Variants in B3GALT1 observed in about 807,000 individuals in gnomAD.
B3GALT1 encodes the protein UDP-Gal:betaGlcNAc beta 1,3-galactosyltransferase, polypeptide 1.
Under a neutral mutation model 23.2 loss-of-function variants are expected in B3GALT1, and 10 were observed. The observed-to-expected ratio is 0.43, with a 90% CI of 0.27 to 0.73. B3GALT1 has a LOEUF of 0.73. Ranked by LOEUF, B3GALT1 falls within the 30% of genes least tolerant of loss-of-function variation. B3GALT1 has a pLI of 0.21. For missense variants in B3GALT1, 299 were observed against 405.4 expected (o/e 0.74, Z 2.25); for synonymous variants, 156 against 141.5 (o/e 1.10, Z -0.73).
At chr2:167,734,633 C>A (rs1687463846) in intron 3 of B3GALT1, among the ~76,000 whole-genome samples, 1 of 152,010 alleles carries the variant, frequency 6.6e-6, no homozygotes, top group South Asian at 2.1e-4. Context: ...TTTTAAAGTT[C>A]TCAAATATGG....
chr2:167,358,397 G>A (rs2617398), intron 1 of B3GALT1, among the ~76,000 whole-genome samples: 128,711 of 152,196 alleles, frequency 0.85, 55,138 homozygotes, highest in East Asian at 0.95. Flanking sequence ...TAATGGTAAA[G>A]CATCAGGCAC....
chr2:167,347,315 G>C (rs1263391825), intron 1 of B3GALT1, among the ~76,000 whole-genome samples: 1 of 152,182 alleles, frequency 6.6e-6, no homozygotes, highest in Non-Finnish European at 1.5e-5. Context: ...CACTAGCTTA[G>C]AGCAAGTTGA....
chr2:167,683,159 T>A (rs1463152), intron 3 of B3GALT1, among the ~76,000 whole-genome samples: 1 of 152,036 alleles, frequency 6.6e-6, no homozygotes, highest in Non-Finnish European at 1.5e-5. Flanking sequence ...CTTTAAGCAG[T>A]TGGAGCAAGA....
chr2:167,781,384 T>A (rs1688242450), intron 3 of B3GALT1, among the ~76,000 whole-genome samples: 1 of 152,180 alleles, frequency 6.6e-6, no homozygotes, highest in South Asian at 2.1e-4. Context: ...TAATTGGTTT[T>A]TTCACAGGAA....
At chr2:167,839,992 C>A (rs1431577291) in intron 4 of B3GALT1, among the ~76,000 whole-genome samples, 1 of 152,086 alleles carries the variant, frequency 6.6e-6, no homozygotes, top group Non-Finnish European at 1.5e-5. Context: ...AAAGCTGAAA[C>A]TGGATCCCTT....
intron 3 of B3GALT1, among the ~76,000 whole-genome samples, chr2:167,650,125 A>G (rs549828676): frequency 6.6e-6 from 1 of 151,860 alleles, no homozygotes; most frequent in African/African-American, 2.4e-5. Flanking sequence ...CTGTCATGAA[A>G]TAGTATTAGA....
chr2:167,650,314 ATG>A (rs200781816), intron 3 of B3GALT1, among the ~76,000 whole-genome samples: 2,321 of 148,772 alleles, frequency 0.016, 27 homozygotes, highest in African/African-American at 0.019. Context: ...ATATATATAT[ATG>A]TGTGTGTGTA....
At chr2:167,379,056 T>G (rs547255334) in intron 1 of B3GALT1, among the ~76,000 whole-genome samples, 59 of 152,294 alleles carry the variant, frequency 3.9e-4, no homozygotes, top group Non-Finnish European at 7.6e-4. Context: ...GAATAATTTA[T>G]GAAGGAGAAA....
At chr2:167,336,205 A>G (rs1355234625) in intron 1 of B3GALT1, among the ~76,000 whole-genome samples, 1 of 152,040 alleles carries the variant, frequency 6.6e-6, no homozygotes, top group African/African-American at 2.4e-5. Flanking sequence ...CTACATATCA[A>G]CCTGAATCCT....
At chr2:167,639,896 C>A (rs530557324) in intron 2 of B3GALT1, among the ~76,000 whole-genome samples, 1 of 152,190 alleles carries the variant, frequency 6.6e-6, no homozygotes, top group Non-Finnish European at 1.5e-5. Flanking sequence ...ATCCCAAAGA[C>A]CCTACCAGGA....
chr2:167,441,121 G>A (rs1698886543), intron 1 of B3GALT1, among the ~76,000 whole-genome samples: 1 of 152,118 alleles, frequency 6.6e-6, no homozygotes, highest in Non-Finnish European at 1.5e-5. Context: ...GATTGGATGG[G>A]GCATGTGTTT....
chr2:167,537,425 T>A (rs971635546), intron 2 of B3GALT1, among the ~76,000 whole-genome samples: 2 of 152,304 alleles, frequency 1.3e-5, no homozygotes, highest in Admixed American at 6.5e-5. Flanking sequence ...GTGCTGTATG[T>A]TTCTGAGAGA....
rs182010643 is a variant in B3GALT1 at position 167,417,536 on chromosome 2, A to C, written c.-510-72641A>C. The stretch of plus-strand genomic sequence containing the variant: ...AACAGAAAATGGACTAAGACAGTGT[A>C]GTTATGTCATTTGACCAGACTTATG... On this transcript the variant is annotated intron_variant, in intron 1 of 4. Transcript: ENST00000392690. Among the ~76,000 whole-genome samples the C allele has an allele frequency of 9.2e-5, 14 of 152,344 alleles. 1 individual carries two copies. In the East Asian group the frequency reaches 2.7e-3, roughly 29 times the overall value.
chr2:167,714,028 G>C (rs550733984), intron 3 of B3GALT1: 26 of 1,541,230 alleles, frequency 1.7e-5, no homozygotes, highest in Admixed American at 1.7e-4. Context: ...TTTCGGCAGG[G>C]AGAGATGAAT....
Position 167,755,532 on chromosome 2 carries a change from T to C in B3GALT1, c.-351-63140T>C, listed in dbSNP as rs61071954. On this transcript the variant is annotated intron_variant, in intron 3 of 4. Transcript: ENST00000392690. ...GGGTGAGGAAGGGAGGCAGGATATTTTGGAGGGAAAGGGAGGCAAACCTCA... is the reference window on the plus strand; with the variant it reads ...GGGTGAGGAAGGGAGGCAGGATATTCTGGAGGGAAAGGGAGGCAAACCTCA... 8.2e-4 allele frequency among the ~76,000 whole-genome samples: 122 copies of C among 149,174 alleles called. 2 individuals carry two copies. In the East Asian group the frequency reaches 0.022, roughly 26 times the overall value.
chr2:167,656,245 A>C (rs908868569), intron 3 of B3GALT1, among the ~76,000 whole-genome samples: 3 of 152,120 alleles, frequency 2.0e-5, no homozygotes, highest in Non-Finnish European at 2.9e-5. Flanking sequence ...CCAAGTTCTA[A>C]TAGAGCTCAG....
intron 1 of B3GALT1, among the ~76,000 whole-genome samples, chr2:167,364,722 T>TCA (rs2105265429): frequency 6.6e-6 from 1 of 152,330 alleles, no homozygotes. Flanking sequence ...CCACATTTTC[T>TCA]TATATATATA....
chr2:167,605,556 G>A (rs149281023), intron 2 of B3GALT1, among the ~76,000 whole-genome samples: 2 of 152,216 alleles, frequency 1.3e-5, no homozygotes, highest in African/African-American at 4.8e-5. Flanking sequence ...ATGGCTTGAT[G>A]GCTGAGTTCA....
At chr2:167,687,395 A>G (rs912154890) in intron 3 of B3GALT1, among the ~76,000 whole-genome samples, 3 of 152,232 alleles carry the variant, frequency 2.0e-5, no homozygotes, top group Non-Finnish European at 4.4e-5. Flanking sequence ...TCATGGCAAC[A>G]TGATGTGAAA....
Sources: gnomAD v4.1 joint callset for allele counts (sites outside exome capture counted in the v4.1 genomes callset) on GRCh38, gnomAD v4.1.1 for gene constraint, MANE v1.5 for transcripts, NCBI Gene and HGNC (gene_info 2026-07-23, HGNC 2026-07-21) for gene names.